The following TRDN variants were observed in gnomAD, a reference collection of about 807,000 sequenced individuals.
The protein encoded by TRDN is triadin.
A neutral mutation model predicts 149.7 loss-of-function variants in TRDN; 161 were observed. The ratio of observed to expected loss-of-function variants is 1.08; its 90% CI spans 0.95 to 1.23. The LOEUF is 1.23. Among genes scored for constraint, TRDN ranks in the 50% most tolerant of loss-of-function variants. The probability of loss-of-function intolerance (pLI) is 0.00; values close to 1 mark genes in which losing one functional copy is unlikely to be tolerated. For synonymous variants in TRDN, 294 were observed against 250.5 expected (o/e 1.17, Z -1.64); for missense variants, 896 against 823.5 (o/e 1.09, Z -1.08).
At chr6:123,316,567 C>G in intron 23 of TRDN, 72 bp from the exon 24 acceptor site, 1 of 1,366,286 alleles carries the variant, frequency 7.3e-7, no homozygotes, top group Non-Finnish European at 1.0e-6. Context: ...ATAGTCAGTA[C>G]AAAGTGGATT....
chr6:123,282,394 G>C (rs1777616016), intron 24 of TRDN, among the ~76,000 whole-genome samples: 1 of 152,032 alleles, frequency 6.6e-6, no homozygotes, highest in African/African-American at 2.4e-5. Flanking sequence ...GTGATCAACA[G>C]TGAAATAATA....
intron 24 of TRDN, among the ~76,000 whole-genome samples, chr6:123,290,546 T>C (rs758611142): frequency 1.3e-5 from 2 of 152,154 alleles, no homozygotes; most frequent in African/African-American, 2.4e-5. Context: ...ATGTTTTGCA[T>C]GGTATCTTGT....
At position 123,464,983 on chromosome 6, in the gene TRDN, C is replaced by A; in HGVS notation, c.854G>T (p.Gly285Val). 6.3e-7 allele frequency: 1 copy of A among 1,587,016 alleles called. No homozygotes were observed. The highest frequency in any genetic ancestry group is 8.6e-7 in the Non-Finnish European group (1 of 1,166,168). The change falls in exon 10 of 41, where the codon GGA becomes GTA. Residue 285 changes from glycine to valine, a missense_variant and splice_region_variant. Coordinates refer to ENST00000334268, the MANE Select transcript of TRDN (RefSeq NM_006073.4). ...GGGAGGTGGAATGGCTGGGCTTTGTCCTACACAATGTAGAAGTAGGAATTG... is the reference window on the plus strand; with the variant it reads ...GGGAGGTGGAATGGCTGGGCTTTGTACTACACAATGTAGAAGTAGGAATTG... ...DIFVHGDLKP[G>V]QSPAIPPPLP...
chr6:123,550,225 C>T (rs1199959572), intron 2 of TRDN, among the ~76,000 whole-genome samples: 4 of 151,776 alleles, frequency 2.6e-5, no homozygotes, highest in Non-Finnish European at 4.4e-5. Context: ...GGAGATAAGT[C>T]AGAGAGATAG....
intron 1 of TRDN, among the ~76,000 whole-genome samples, chr6:123,608,031 C>A (rs1784600817): frequency 6.6e-6 from 1 of 151,826 alleles, no homozygotes; most frequent in African/African-American, 2.4e-5. Flanking sequence ...GAAGAAGTGC[C>A]AATAAGGTGT....
chr6:123,486,387 A>G lies in TRDN; in HGVS notation c.853+10806T>C, dbSNP rs1256773662. On this transcript the variant is annotated intron_variant, in intron 9 of 40. Transcript: ENST00000334268. ...CTATTTTTGCAGTCTTATTCAATAA[A>G]TTCATTATACTATAGAAGTTGCCGT... Among the ~76,000 whole-genome samples the G allele has an allele frequency of 3.9e-5, 6 of 151,918 alleles. No individual in the cohort carries two copies. The East Asian group carries it at 1.2e-3, about 29-fold the overall frequency.
chr6:123,463,231 G>A (rs962974071), intron 10 of TRDN, among the ~76,000 whole-genome samples: 3 of 151,758 alleles, frequency 2.0e-5, no homozygotes, highest in African/African-American at 7.3e-5. Context: ...CAGCTACTCG[G>A]GAGGCTGAGG....
chr6:123,312,965 A>G (rs1430684220), intron 24 of TRDN, among the ~76,000 whole-genome samples: 1 of 152,006 alleles, frequency 6.6e-6, no homozygotes, highest in Non-Finnish European at 1.5e-5. Context: ...TTGATTGATC[A>G]TATTGTATAA....
chr6:123,635,722 A>C (rs992554297), intron 1 of TRDN, among the ~76,000 whole-genome samples: 2 of 151,954 alleles, frequency 1.3e-5, no homozygotes, highest in Non-Finnish European at 2.9e-5. Flanking sequence ...TTCAAAGCAA[A>C]CCAGCACAGC....
rs1480817167 is a variant in TRDN at position 123,217,966 on chromosome 6, A to G, written c.*635T>C. 3.9e-5 allele frequency: 6 copies of G among 151,918 alleles called. No individual in the cohort carries two copies. In the East Asian group the frequency reaches 1.2e-3, roughly 29 times the overall value. The allele number at this position is 151,918 out of a possible 1,614,324, so 9.4% of individuals were successfully genotyped here. A position where few individuals can be genotyped will look rare whatever the true frequency, so the allele number is the denominator to read the frequency against. ...TATCTTAAAGATTTATCAAGCATTT[A>G]CTCTCCACCTTACCATGTCTAAAGC... On this transcript the variant is annotated 3_prime_UTR_variant, in exon 41 of 41. Coordinates refer to ENST00000334268, the MANE Select transcript of TRDN (RefSeq NM_006073.4).
intron 6 of TRDN, among the ~76,000 whole-genome samples, chr6:123,514,631 A>AACACACACACACACACACAC (rs60716520): frequency 6.8e-6 from 1 of 147,590 alleles, no homozygotes; most frequent in African/African-American, 2.5e-5. Flanking sequence ...ACATACCCAA[A>AACACACACACACACACACAC]ACACACACAC....
chr6:123,478,577 GTTT>G (rs796630432), intron 9 of TRDN, among the ~76,000 whole-genome samples: 4 of 152,220 alleles, frequency 2.6e-5, no homozygotes, highest in African/African-American at 9.6e-5. Flanking sequence ...TACGAATTGC[GTTT>G]TTATTTTAGT....
intron 38 of TRDN, among the ~76,000 whole-genome samples, chr6:123,239,839 A>G (rs897120754): frequency 6.6e-6 from 1 of 152,086 alleles, no homozygotes; most frequent in Non-Finnish European, 1.5e-5. Context: ...TTTGATATTT[A>G]TAAAGGAAAC....
intron 23 of TRDN, 22 bp downstream of exon 23, chr6:123,331,857 A>C (rs1317285867): frequency 3.0e-5 from 45 of 1,488,132 alleles, no homozygotes; most frequent in Non-Finnish European, 4.0e-5. Context: ...ATGTGGCTTC[A>C]CATTTCATTG....
chr6:123,426,903 A>C (rs1774143963), intron 12 of TRDN, among the ~76,000 whole-genome samples: 1 of 152,092 alleles, frequency 6.6e-6, no homozygotes, highest in African/African-American at 2.4e-5. Context: ...ACTTACAACA[A>C]ACAAACTTTC....
rs373391770 is a variant in TRDN, at chr6:123,611,312, A to G, written c.22+25442T>C. ...AATTGAGTAGAACAAAAATTACGCT[A>G]TATTCACAAGATATGAGAGGGCAAA... On this transcript the variant is annotated intron_variant, in intron 1 of 40. Transcript: ENST00000334268. Among the ~76,000 whole-genome samples, 4 of 152,206 alleles carry G rather than the reference A, an allele frequency of 2.6e-5. No individual in the cohort carries two copies. The East Asian group carries it at 5.8e-4, about 22-fold the overall frequency.
intron 35 of TRDN, among the ~76,000 whole-genome samples, chr6:123,257,965 G>A (rs773634386): frequency 4.6e-5 from 7 of 152,120 alleles, no homozygotes; most frequent in Non-Finnish European, 1.0e-4. Flanking sequence ...GATCGCTTGT[G>A]ATTTTTGCAC....
intron 16 of TRDN, among the ~76,000 whole-genome samples, chr6:123,379,744 A>C (rs1254656574): frequency 6.6e-6 from 1 of 152,048 alleles, no homozygotes; most frequent in African/African-American, 2.4e-5. Context: ...TTACCCTTTA[A>C]CTCTACAGGG....
At chr6:123,473,365 G>T (rs1490050457) in intron 9 of TRDN, among the ~76,000 whole-genome samples, 4 of 151,726 alleles carry the variant, frequency 2.6e-5, no homozygotes, top group African/African-American at 9.7e-5. Flanking sequence ...TGAAATGAAT[G>T]AAATGAAGCG....
Sources: allele counts gnomAD v4.1 joint callset (sites outside exome capture counted in the v4.1 genomes callset), GRCh38; gene constraint gnomAD v4.1.1; transcripts MANE v1.5; gene names NCBI Gene and HGNC (gene_info 2026-07-23, HGNC 2026-07-21).